The following LRBA variants were observed in gnomAD, a reference collection of about 807,000 sequenced individuals.
LRBA encodes lipopolysaccharide-responsive and beige-like anchor protein.
LRBA carries 176 observed loss-of-function variants against 330.0 expected under a neutral mutation model. That is an observed-to-expected ratio of 0.53 (90% CI 0.47 to 0.60). The LOEUF is 0.60. Among genes scored for constraint, LRBA ranks in the 20% least tolerant of loss-of-function variants. LRBA has a pLI of 0.00. For missense variants in LRBA, 3,259 were observed against 3,444.8 expected (o/e 0.95, Z 1.35); for synonymous variants, 1,230 against 1,193.0 (o/e 1.03, Z -0.64).
chr4:150,693,600 T>C (rs1160458748), intron 36 of LRBA, among the ~76,000 whole-genome samples: 1 of 138,990 alleles, frequency 7.2e-6, no homozygotes, highest in Admixed American at 7.2e-5. Flanking sequence ...GGCAAGAAAT[T>C]ACAGTGCTAA....
chr4:150,424,756 G>A (rs1194003859), intron 46 of LRBA, among the ~76,000 whole-genome samples: 1 of 152,236 alleles, frequency 6.6e-6, no homozygotes, highest in Admixed American at 6.5e-5. Context: ...GACATGGGAA[G>A]AACATGCAAA....
chr4:150,380,187 C>T (rs10031864), intron 47 of LRBA, among the ~76,000 whole-genome samples: 1 of 150,080 alleles, frequency 6.7e-6, no homozygotes, highest in South Asian at 2.1e-4. Context: ...CTCAAAAAAA[C>T]AAAACAAAAC....
chr4:150,508,718 CAAG>C (rs1761468905), intron 40 of LRBA, among the ~76,000 whole-genome samples: 1 of 152,118 alleles, frequency 6.6e-6, no homozygotes, highest in African/African-American at 2.4e-5. Flanking sequence ...CTTCAAAACA[CAAG>C]AAGCAAAAAC....
chr4:150,807,811 A>G (rs1743028362), intron 32 of LRBA, among the ~76,000 whole-genome samples: 1 of 151,802 alleles, frequency 6.6e-6, no homozygotes, highest in African/African-American at 2.4e-5. Context: ...ACACCTAGCT[A>G]ATTTTTTTTA....
chr4:150,513,498 G>T (rs917784408), intron 40 of LRBA, among the ~76,000 whole-genome samples: 2 of 152,104 alleles, frequency 1.3e-5, no homozygotes, highest in Non-Finnish European at 2.9e-5. Flanking sequence ...GTCCTCATTG[G>T]GAACACAGCA....
intron 37 of LRBA, among the ~76,000 whole-genome samples, chr4:150,663,729 T>C (rs1454115458): frequency 6.6e-6 from 1 of 152,144 alleles, no homozygotes; most frequent in Admixed American, 6.5e-5. Flanking sequence ...ACAAGTACTT[T>C]ATAGTATACT....
At chr4:151,015,373 G>C (rs1376251896), upstream of LRBA, 1 of 152,946 alleles carries the variant, frequency 6.5e-6, no homozygotes, top group Non-Finnish European at 1.5e-5. Context: ...CGACGGGAAG[G>C]GGTGGGGAGG....
chr4:150,763,430 A>G (rs901184025), intron 34 of LRBA, among the ~76,000 whole-genome samples: 3 of 152,020 alleles, frequency 2.0e-5, no homozygotes, highest in Admixed American at 6.6e-5. Context: ...CTGAATTCAT[A>G]TTTTACCAAA....
intron 35 of LRBA, among the ~76,000 whole-genome samples, chr4:150,746,994 T>C (rs17027061): frequency 0.028 from 4,233 of 152,266 alleles, 182 homozygotes; most frequent in African/African-American, 0.096. Flanking sequence ...CACTGTATTG[T>C]TGACAAGGTA....
chr4:150,710,936 T>C (rs896887834), intron 36 of LRBA, among the ~76,000 whole-genome samples: 1 of 151,900 alleles, frequency 6.6e-6, no homozygotes, highest in East Asian at 1.9e-4. Flanking sequence ...TACAGTTCTA[T>C]CTCTGACTGA....
At chr4:150,287,985 CCA>C (rs1748345064) in intron 53 of LRBA, among the ~76,000 whole-genome samples, 1 of 149,702 alleles carries the variant, frequency 6.7e-6, no homozygotes, top group African/African-American at 2.4e-5. Context: ...CTGTTAGGAT[CCA>C]CAAATTTTTT....
chr4:150,928,873 C>T lies in LRBA; in HGVS notation c.409G>A (p.Val137Met). The T allele has an allele frequency of 6.2e-7, 1 of 1,613,928 alleles. No individual in the cohort carries two copies. The highest frequency in any genetic ancestry group is 8.5e-7 in the Non-Finnish European group (1 of 1,179,950). The change falls in exon 3 of 57, where the codon GTG becomes ATG. Residue 137 changes from valine to methionine, a missense_variant. Coordinates refer to ENST00000651943, the MANE Select transcript of LRBA (RefSeq NM_001364905.1). ...TCAACTTTTTCAATTTTCCCAAGCA[C>T]TTTTTCAACAAGGCCTACTTCAGTG... ...VCTEVGLVEK[V>M]LGKIEKVDNM...
intron 37 of LRBA, among the ~76,000 whole-genome samples, chr4:150,631,503 T>C (rs1777374339): frequency 6.6e-6 from 1 of 152,222 alleles, no homozygotes; most frequent in African/African-American, 2.4e-5. Context: ...ATGAATGGCA[T>C]ATATGAAAAT....
At chr4:150,767,254 T>C (rs1380254055) in intron 34 of LRBA, among the ~76,000 whole-genome samples, 1 of 152,112 alleles carries the variant, frequency 6.6e-6, no homozygotes, top group Non-Finnish European at 1.5e-5. Context: ...ATAAATAATC[T>C]CCTAGAACGT....
chr4:150,690,293 G>C (rs1784004629), intron 36 of LRBA, among the ~76,000 whole-genome samples: 2 of 151,998 alleles, frequency 1.3e-5, no homozygotes, highest in Non-Finnish European at 2.9e-5. Context: ...CACAAGGTCA[G>C]GAGATCGAGA....
At chr4:150,781,446 A>C (rs1352732547) in intron 34 of LRBA, among the ~76,000 whole-genome samples, 5 of 152,246 alleles carry the variant, frequency 3.3e-5, no homozygotes, top group African/African-American at 1.2e-4. Flanking sequence ...GGCGGAGCTC[A>C]GGCAGTAATG....
chr4:150,287,712 C>T (rs1020385262), intron 53 of LRBA, among the ~76,000 whole-genome samples: 3 of 152,180 alleles, frequency 2.0e-5, no homozygotes, highest in African/African-American at 7.2e-5. Flanking sequence ...TGGACCTAGC[C>T]TACAGGCTTA....
intron 53 of LRBA, among the ~76,000 whole-genome samples, chr4:150,292,223 G>A (rs1298151243): frequency 6.6e-6 from 1 of 152,178 alleles, no homozygotes; most frequent in African/African-American, 2.4e-5. Flanking sequence ...TATCCAGTGA[G>A]AAGAATATTT....
chr4:150,295,976 T>G (rs983369984), intron 53 of LRBA, among the ~76,000 whole-genome samples: 1 of 152,172 alleles, frequency 6.6e-6, no homozygotes, highest in African/African-American at 2.4e-5. Context: ...TCTGGTAACA[T>G]AAACATGGTA....
Sources: allele counts gnomAD v4.1 joint callset (sites outside exome capture counted in the v4.1 genomes callset), GRCh38; gene constraint gnomAD v4.1.1; transcripts MANE v1.5; gene names NCBI Gene and HGNC (gene_info 2026-07-23, HGNC 2026-07-21).